SNX25: variants seen among roughly 807,000 people sequenced by gnomAD.
The protein encoded by SNX25 is sorting nexin 25.
Under a neutral mutation model 113.7 loss-of-function variants are expected in SNX25, and 62 were observed. The ratio of observed to expected loss-of-function variants is 0.55; its 90% CI spans 0.44 to 0.67. The LOEUF is 0.67. SNX25 is among the 30% of genes least tolerant of loss of function. The pLI, the probability that SNX25 is intolerant of heterozygous loss-of-function variation, is 0.00. For synonymous variants in SNX25, 421 were observed against 436.2 expected, an observed-to-expected ratio of 0.97 and a Z score of 0.43; for missense variants, 1,014 against 1,161.0, an observed-to-expected ratio of 0.87 and a Z score of 1.84.
intron 5 of SNX25, among the ~76,000 whole-genome samples, chr4:185,269,175 G>A (rs890013431): frequency 6.6e-5 from 10 of 152,056 alleles, no homozygotes; most frequent in Admixed American, 2.6e-4. Flanking sequence ...AGTGTCCTTC[G>A]ATTCCTTTTA....
At chr4:185,237,401 C>T (rs1325871340) in intron 1 of SNX25, among the ~76,000 whole-genome samples, 1 of 152,188 alleles carries the variant, frequency 6.6e-6, no homozygotes, top group Non-Finnish European at 1.5e-5. Flanking sequence ...TAAAGCACAT[C>T]CTCAAAGGCA....
chr4:185,340,320 A>G (rs903005657), intron 11 of SNX25, among the ~76,000 whole-genome samples: 1 of 152,122 alleles, frequency 6.6e-6, no homozygotes, highest in African/African-American at 2.4e-5. Context: ...CCTTAAATTT[A>G]TCTCTAGGTT....
rs1004653809 is a variant in SNX25 at position 185,209,873 on chromosome 4, C to T, written c.47C>T (p.Ala16Val). ...AGTGGCGGCGCCGGCCCCAGCCCCGCGCGGGCCGCAGGCGCCGGCGGCCGT... is the reference window on the plus strand; with the variant it reads ...AGTGGCGGCGCCGGCCCCAGCCCCGTGCGGGCCGCAGGCGCCGGCGGCCGT... ...TDSGGAGPSP[A>V]RAAGAGGRPV... Residue 16 changes from alanine (A) to valine (V), a missense_variant, in exon 1 of 19, where the codon GCG becomes GTG. By Grantham distance (64) the Ala-to-Val change is moderately conservative. Coordinates refer to ENST00000652585, the MANE Select transcript of SNX25 (RefSeq NM_001378034.2). This position sits in a 1 kb window ranked among gnomAD's most constrained non-coding sequence, Gnocchi z 5.2. 1.2e-5 allele frequency: 12 copies of T among 983,312 alleles called. No homozygotes were observed. The East Asian group carries it at 6.9e-4, about 56-fold the overall frequency. 60.9% of individuals were successfully genotyped at this position (983,312 alleles called of 1,614,324 possible).
At chr4:185,213,224 A>G (rs1375278172) in intron 1 of SNX25, among the ~76,000 whole-genome samples, 1 of 152,204 alleles carries the variant, frequency 6.6e-6, no homozygotes, top group Non-Finnish European at 1.5e-5. Context: ...CGTTATGTCC[A>G]TTTATGGTCA....
At chr4:185,255,435 G>A (rs963019245) in intron 2 of SNX25, among the ~76,000 whole-genome samples, 22 of 151,978 alleles carry the variant, frequency 1.4e-4, no homozygotes, top group Admixed American at 1.2e-3. Flanking sequence ...CACCCAGCCC[G>A]TACTTTTTAT....
intron 12 of SNX25, among the ~76,000 whole-genome samples, chr4:185,343,052 G>A (rs978966640): frequency 2.6e-5 from 4 of 151,940 alleles, no homozygotes; most frequent in South Asian, 2.1e-4. Flanking sequence ...CACCACACCC[G>A]GCTAATTTTT....
chr4:185,308,128 A>C (rs2126658582), intron 6 of SNX25, among the ~76,000 whole-genome samples: 1 of 152,326 alleles, frequency 6.6e-6, no homozygotes, highest in East Asian at 1.9e-4. Flanking sequence ...TCTCTCACTT[A>C]AAACAAAAAC....
chr4:185,346,784 TG>T (rs988155345), intron 13 of SNX25, 134 bp downstream of exon 13: 1 of 598,048 alleles, frequency 1.7e-6, no homozygotes, highest in South Asian at 2.5e-5. Flanking sequence ...ATATCTTGGG[TG>T]TTTTTTTTAA....
chr4:185,374,494 T>A (rs1184917973), downstream of SNX25: 5 of 1,601,024 alleles, frequency 3.1e-6, no homozygotes, highest in South Asian at 5.6e-5. Context: ...AAAACCCTAG[T>A]TTTTAGTTTT....
chr4:185,365,687 A>T (rs574761901), downstream of SNX25: 80 of 144,928 alleles, frequency 5.5e-4, 1 homozygote, highest in Middle Eastern at 3.6e-3. Flanking sequence ...CTCAAAAAAA[A>T]AAAAATAATA....
At chr4:185,320,350 A>G (rs1407914509) in intron 7 of SNX25, among the ~76,000 whole-genome samples, 3 of 152,212 alleles carry the variant, frequency 2.0e-5, no homozygotes, top group East Asian at 3.8e-4. Flanking sequence ...GCTAGAGGCC[A>G]TCATCCTCAG....
At chr4:185,257,321 T>C (rs1746600234) in intron 2 of SNX25, among the ~76,000 whole-genome samples, 1 of 152,154 alleles carries the variant, frequency 6.6e-6, no homozygotes, top group Non-Finnish European at 1.5e-5. Context: ...ACTAATATTT[T>C]ATTTTTCAAA....
chr4:185,354,007 G>T (rs1229969893), intron 15 of SNX25, among the ~76,000 whole-genome samples: 2 of 147,874 alleles, frequency 1.4e-5, no homozygotes, highest in African/African-American at 5.0e-5. Context: ...TCGCACCACT[G>T]CACTCCAGCC....
At chr4:185,230,973 A>G (rs1039808605) in intron 1 of SNX25, among the ~76,000 whole-genome samples, 1 of 152,180 alleles carries the variant, frequency 6.6e-6, no homozygotes, top group African/African-American at 2.4e-5. Flanking sequence ...AAGGAAACTA[A>G]GTCATGTCTA....
At chr4:185,239,399 C>T (rs900076904) in intron 1 of SNX25, among the ~76,000 whole-genome samples, 9 of 152,174 alleles carry the variant, frequency 5.9e-5, no homozygotes, top group Non-Finnish European at 1.0e-4. Flanking sequence ...AGGAGAATGG[C>T]TTGAACCCAG....
At chr4:185,205,322 C>T (rs560419589), upstream of SNX25, among the ~76,000 whole-genome samples, 50 of 152,130 alleles carry the variant, frequency 3.3e-4, no homozygotes, top group African/African-American at 1.1e-3. Context: ...GGCGTGGTGA[C>T]GTGAGCCTGT....
At chr4:185,364,090 G>A (rs2095378232), downstream of SNX25, 1 of 152,398 alleles carries the variant, frequency 6.6e-6, no homozygotes, top group South Asian at 2.1e-4. Context: ...CTTCTGCAGG[G>A]AAGTAAAAGT....
chr4:185,228,515 C>T (rs1364832411), intron 1 of SNX25, among the ~76,000 whole-genome samples: 7 of 150,428 alleles, frequency 4.7e-5, no homozygotes, highest in Non-Finnish European at 1.0e-4. Flanking sequence ...ACTATGATAA[C>T]GTGTAGAGGA....
chr4:185,327,398 G>C (rs145948519), intron 9 of SNX25, among the ~76,000 whole-genome samples: 3 of 152,146 alleles, frequency 2.0e-5, no homozygotes, highest in Non-Finnish European at 4.4e-5. Flanking sequence ...TTTGTTGTAT[G>C]AATTCCCTTT....
Sources: gnomAD v4.1 joint callset for allele counts (sites outside exome capture counted in the v4.1 genomes callset) on GRCh38, gnomAD v4.1.1 for gene constraint, Gnocchi (gnomAD v3.1) non-coding constraint, MANE v1.5 for transcripts, NCBI Gene and HGNC (gene_info 2026-07-23, HGNC 2026-07-21) for gene names.